The following TTLL5 variants were observed in gnomAD, a reference collection of about 807,000 sequenced individuals.
The protein encoded by TTLL5 is tubulin polyglutamylase TTLL5.
TTLL5 carries 132 observed loss-of-function variants against 168.4 expected under a neutral mutation model. The observed-to-expected ratio is 0.78, with a 90% CI of 0.68 to 0.91. TTLL5 has a LOEUF of 0.91. TTLL5 is among the 40% of genes least tolerant of loss of function. The pLI, the probability that TTLL5 is intolerant of heterozygous loss-of-function variation, is 0.00. For missense variants in TTLL5, 1,545 were observed against 1,581.5 expected, an observed-to-expected ratio of 0.98 and a Z score of 0.39; for synonymous variants, 546 against 558.6, an observed-to-expected ratio of 0.98 and a Z score of 0.32.
At chr14:75,923,077 G>A (rs571098011) in intron 31 of TTLL5, among the ~76,000 whole-genome samples, 133 of 152,108 alleles carry the variant, frequency 8.7e-4, no homozygotes, top group African/African-American at 1.6e-3. Flanking sequence ...TTTTTATTGC[G>A]TCTATTTGAG....
chr14:75,763,944 C>T (rs961776005), intron 18 of TTLL5, among the ~76,000 whole-genome samples: 6 of 152,274 alleles, frequency 3.9e-5, no homozygotes, highest in Non-Finnish European at 7.4e-5. Flanking sequence ...AAAGTCCCTG[C>T]CACCTTGCTC....
intron 28 of TTLL5, among the ~76,000 whole-genome samples, chr14:75,859,563 A>G (rs1010194383): frequency 2.0e-5 from 3 of 152,230 alleles, no homozygotes; most frequent in African/African-American, 2.4e-5. Context: ...CAATTAGAAG[A>G]TATTTACGGG....
rs889215428 is a variant in TTLL5 at position 75,664,157 on chromosome 14, A to G, written c.74+934A>G. 2.0e-5 allele frequency among the ~76,000 whole-genome samples: 3 copies of G among 151,996 alleles called. No homozygotes were observed. The East Asian group carries it at 5.8e-4, about 29-fold the overall frequency. On this transcript the variant is annotated intron_variant, in intron 2 of 31. Coordinates refer to ENST00000298832, the MANE Select transcript of TTLL5 (RefSeq NM_015072.5). Reference sequence around the variant, plus strand: ...ACGATAAAGGCTTTATCTCATCTATATCTTATATCTTTTTAAATCTGAAGG... The same window carrying G: ...ACGATAAAGGCTTTATCTCATCTATGTCTTATATCTTTTTAAATCTGAAGG...
At chr14:75,895,156 C>T (rs939599677) in intron 30 of TTLL5, among the ~76,000 whole-genome samples, 4 of 151,906 alleles carry the variant, frequency 2.6e-5, no homozygotes, top group Non-Finnish European at 5.9e-5. Context: ...ATGTCATGGG[C>T]GAAATGATCT....
intron 27 of TTLL5, among the ~76,000 whole-genome samples, chr14:75,807,764 A>G (rs1334691109): frequency 6.6e-6 from 1 of 152,168 alleles, no homozygotes; most frequent in Non-Finnish European, 1.5e-5. Context: ...CTCTCATTAG[A>G]CGAAAGTGAC....
At chr14:75,690,492 G>C (rs191557861) in intron 6 of TTLL5, among the ~76,000 whole-genome samples, 170 bp downstream of exon 6, 60 of 152,180 alleles carry the variant, frequency 3.9e-4, no homozygotes, top group African/African-American at 1.1e-3. Context: ...TTTTTATTCT[G>C]ATATGTTCAG....
intron 30 of TTLL5, among the ~76,000 whole-genome samples, chr14:75,887,622 G>T (rs2032185415): frequency 6.6e-6 from 1 of 152,156 alleles, no homozygotes. Context: ...GTGTTCAGTG[G>T]CTGAGCTCAA....
chr14:75,874,844 A>G (rs1340243727), intron 29 of TTLL5, among the ~76,000 whole-genome samples: 1 of 151,724 alleles, frequency 6.6e-6, no homozygotes, highest in East Asian at 1.9e-4. Context: ...GTGCGTGCAC[A>G]TGTACATATG....
intron 15 of TTLL5, chr14:75,737,617 A>G (rs1458654708): frequency 3.9e-6 from 6 of 1,535,026 alleles, no homozygotes; most frequent in South Asian, 1.2e-5. Flanking sequence ...GGTAAGTTCT[A>G]GATCTTTTGG....
At chr14:75,778,563 G>A (rs1891856933) in intron 23 of TTLL5, among the ~76,000 whole-genome samples, 2 of 152,132 alleles carry the variant, frequency 1.3e-5, no homozygotes, top group African/African-American at 4.8e-5. Context: ...TAGGGTTTAC[G>A]CTGAGATTCA....
intron 15 of TTLL5, among the ~76,000 whole-genome samples, chr14:75,735,893 C>A (rs1264029791): frequency 6.6e-6 from 1 of 152,176 alleles, no homozygotes. Flanking sequence ...ATCATCTTGT[C>A]AGTCCCTGTC....
At chr14:75,779,545 G>C in intron 23 of TTLL5, 30 bp from the exon 24 acceptor site, 1 of 1,606,102 alleles carries the variant, frequency 6.2e-7, no homozygotes, top group Non-Finnish European at 8.5e-7. Context: ...ATAGCTTCCT[G>C]TCTGACCATA....
intron 31 of TTLL5, among the ~76,000 whole-genome samples, chr14:75,936,240 T>C (rs2034430420): frequency 6.6e-6 from 1 of 152,206 alleles, no homozygotes; most frequent in Admixed American, 6.5e-5. Flanking sequence ...CTTCTTTGGG[T>C]TTTCTTTAGA....
chr14:75,778,091 A>T (rs185167595), intron 23 of TTLL5, among the ~76,000 whole-genome samples: 152 of 152,308 alleles, frequency 1.0e-3, no homozygotes, highest in African/African-American at 1.8e-3. Flanking sequence ...TATATATTTT[A>T]AAAAACCCAG....
At chr14:75,917,417 A>G (rs1481071764) in intron 31 of TTLL5, among the ~76,000 whole-genome samples, 3 of 152,176 alleles carry the variant, frequency 2.0e-5, no homozygotes, top group Non-Finnish European at 4.4e-5. Context: ...TCGGCCCGTC[A>G]AGGTGATTTC....
At position 75,954,538 on chromosome 14, in the gene TTLL5, ATTT is replaced by A; in HGVS notation, c.*101_*103del. On this transcript the variant is annotated 3_prime_UTR_variant, in exon 32 of 32. Coordinates refer to ENST00000298832, the MANE Select transcript of TTLL5 (RefSeq NM_015072.5). The stretch of plus-strand genomic sequence containing the variant: ...ACCAGCACTTCAAGGGGTCCATAGT[ATTT>A]TTTTTTTTGCTGCCTCAAAGTCCCC... 18 of 1,191,270 alleles carry A rather than the reference ATTT, an allele frequency of 1.5e-5. No individual in the cohort carries two copies. The highest frequency in any genetic ancestry group is 3.1e-5 in the South Asian group (2 of 65,446). 73.8% of individuals were successfully genotyped at this position (1,191,270 alleles called of 1,614,324 possible).
At chr14:75,669,690 T>G (rs1032101828) in intron 3 of TTLL5, among the ~76,000 whole-genome samples, 168 bp downstream of exon 3, 1 of 152,258 alleles carries the variant, frequency 6.6e-6, no homozygotes, top group South Asian at 2.1e-4. Context: ...TTTCTGCTTA[T>G]GTTTTTCCTC....
chr14:75,918,747 A>G (rs2033711471), intron 31 of TTLL5, among the ~76,000 whole-genome samples: 1 of 152,226 alleles, frequency 6.6e-6, no homozygotes, highest in African/African-American at 2.4e-5. Context: ...CAGCTGAATA[A>G]TGACTATGTA....
intron 27 of TTLL5, among the ~76,000 whole-genome samples, chr14:75,803,494 C>T (rs186684797): frequency 3.9e-4 from 60 of 152,280 alleles, no homozygotes; most frequent in African/African-American, 1.3e-3. Flanking sequence ...TGTGCAAGCA[C>T]GTGTATACTT....
Sources: gnomAD v4.1 joint callset for allele counts (sites outside exome capture counted in the v4.1 genomes callset) on GRCh38, gnomAD v4.1.1 for gene constraint, MANE v1.5 for transcripts, NCBI Gene and HGNC (gene_info 2026-07-23, HGNC 2026-07-21) for gene names.